Variants in RAMP3 observed in about 807,000 individuals in gnomAD.
RAMP3 encodes the protein receptor activity-modifying protein 3.
A neutral mutation model predicts 13.5 loss-of-function variants in RAMP3; 14 were observed. The observed-to-expected ratio is 1.04, with a 90% CI of 0.69 to 1.63. The LOEUF is 1.63. Ranked by LOEUF, RAMP3 falls within the 40% of genes most tolerant of loss-of-function variation. The pLI is 0.00. For missense variants in RAMP3, 200 were observed against 204.8 expected, an observed-to-expected ratio of 0.98 and a Z score of 0.14; for synonymous variants, 106 against 88.3, an observed-to-expected ratio of 1.20 and a Z score of -1.12.
chr7:45,162,760 G>T (rs1276955877), intron 1 of RAMP3, among the ~76,000 whole-genome samples: 1 of 152,180 alleles, frequency 6.6e-6, no homozygotes, highest in Admixed American at 6.5e-5. Context: ...TGCCAGGTAG[G>T]TGCCACTGGT....
chr7:45,173,707 G>T (rs1458835506), intron 1 of RAMP3, among the ~76,000 whole-genome samples: 1 of 152,178 alleles, frequency 6.6e-6, no homozygotes, highest in African/African-American at 2.4e-5. Context: ...AGCTTTCCCT[G>T]TAGCCTCTGT....
chr7:45,184,114 C>T lies in RAMP3; in HGVS notation c.*702C>T, dbSNP rs1042325227. Reference sequence around the variant, plus strand: ...GAGCCCCTCACCGGGACTTGCTGTGCGGATGGGGCCTGGGCCTCCTTCCTA... The same window carrying T: ...GAGCCCCTCACCGGGACTTGCTGTGTGGATGGGGCCTGGGCCTCCTTCCTA... On this transcript the variant is annotated 3_prime_UTR_variant, in exon 3 of 3. Coordinates refer to ENST00000242249, the MANE Select transcript of RAMP3 (RefSeq NM_005856.3). The T allele has an allele frequency of 1.5e-5, 6 of 399,226 alleles. No individual in the cohort carries two copies. The highest frequency in any genetic ancestry group is 1.3e-4 in the South Asian group (1 of 7,890). The allele number at this position is 399,226 out of a possible 1,614,324, so 24.7% of individuals were successfully genotyped here.
intron 1 of RAMP3, among the ~76,000 whole-genome samples, chr7:45,173,432 C>T (rs767027079): frequency 2.0e-5 from 3 of 152,196 alleles, no homozygotes; most frequent in South Asian, 4.1e-4. Flanking sequence ...TCCAGGCTGC[C>T]GCTAACAAAC....
intron 1 of RAMP3, among the ~76,000 whole-genome samples, chr7:45,174,827 G>A (rs771040770): frequency 1.3e-5 from 2 of 152,156 alleles, no homozygotes; most frequent in African/African-American, 4.8e-5. Flanking sequence ...CAGATGGCAG[G>A]TCCTGAAGAC....
At chr7:45,172,220 C>T (rs1269432868) in intron 1 of RAMP3, among the ~76,000 whole-genome samples, 1 of 152,178 alleles carries the variant, frequency 6.6e-6, no homozygotes. Context: ...GCCTGCTTGT[C>T]CCAGGGTGAA....
rs555413636 is a variant in RAMP3, at chr7:45,170,434, T to C, written c.59-6875T>C. 2.6e-4 allele frequency among the ~76,000 whole-genome samples: 39 copies of C among 150,154 alleles called. No homozygotes were observed. The South Asian group carries it at 8.0e-3, about 31-fold the overall frequency. ...GCTACTGCAACCTCTGCCTCCTGGG[T>C]TCAAGCGATTCTCCTGCCTCAGCCT... On this transcript the variant is annotated intron_variant, in intron 1 of 2. Coordinates refer to ENST00000242249, the MANE Select transcript of RAMP3 (RefSeq NM_005856.3).
intron 1 of RAMP3, among the ~76,000 whole-genome samples, chr7:45,170,378 A>T (rs938052270): frequency 6.6e-6 from 1 of 151,968 alleles, no homozygotes; most frequent in Admixed American, 6.6e-5. Flanking sequence ...TTGCTCTGTC[A>T]CCTAGGCTGG....
chr7:45,160,654 G>A (rs998281981), intron 1 of RAMP3, among the ~76,000 whole-genome samples: 1 of 152,094 alleles, frequency 6.6e-6, no homozygotes, highest in Non-Finnish European at 1.5e-5. Flanking sequence ...ATTTCCAAAT[G>A]ACTAGCCACA....
At chr7:45,178,916 G>C (rs529025821) in intron 2 of RAMP3, among the ~76,000 whole-genome samples, 1 of 152,280 alleles carries the variant, frequency 6.6e-6, no homozygotes, top group South Asian at 2.1e-4. Context: ...CAGACCTGAT[G>C]CTGGAAAAGG....
intron 1 of RAMP3, among the ~76,000 whole-genome samples, chr7:45,160,410 A>T (rs1309621009): frequency 7.3e-6 from 1 of 136,712 alleles, no homozygotes; most frequent in East Asian, 2.5e-4. Flanking sequence ...AGGCCCATAG[A>T]TTTTTGGCAC....
At chr7:45,165,355 T>A (rs1278762931) in intron 1 of RAMP3, among the ~76,000 whole-genome samples, 1 of 152,200 alleles carries the variant, frequency 6.6e-6, no homozygotes, top group Non-Finnish European at 1.5e-5. Context: ...TTGAGAAAAA[T>A]TCTATATATT....
intron 1 of RAMP3, 42 bp from the exon 2 acceptor site, chr7:45,177,267 G>A: frequency 6.2e-7 from 1 of 1,612,540 alleles, no homozygotes; most frequent in Non-Finnish European, 8.5e-7. Context: ...GGCATCCCCA[G>A]TGTGAACTGT....
At position 45,176,387 on chromosome 7, in the gene RAMP3, T is replaced by TACACACAC. The variant is rs57539624; in HGVS notation, c.59-901_59-894dup. 2.4e-3 allele frequency among the ~76,000 whole-genome samples: 358 copies of TACACACAC among 147,732 alleles called. 2 individuals carry two copies. Among genetic ancestry groups the TACACACAC allele is most frequent in the African/African-American group, 8.5e-3 (341 of 40,292 alleles). ...GATATAGATGGCAGGGCTGTGTACCTACACACACACACACACACACACACA... is the reference window on the plus strand; with the variant it reads ...GATATAGATGGCAGGGCTGTGTACCTACACACACACACACACACACACACACACACACA... On this transcript the variant is annotated intron_variant, in intron 1 of 2. Transcript: ENST00000242249.
chr7:45,170,951 T>C (rs995632248), intron 1 of RAMP3, among the ~76,000 whole-genome samples: 3 of 152,112 alleles, frequency 2.0e-5, no homozygotes, highest in Non-Finnish European at 4.4e-5. Context: ...ATATAAGTTT[T>C]TACAACTAAA....
rs535452041 is a variant in RAMP3, at chr7:45,184,101, G to A, written c.*689G>A. On this transcript the variant is annotated 3_prime_UTR_variant, in exon 3 of 3. Transcript: ENST00000242249. ...TGGGGGTGTGTTAGAGCCCCTCACC[G>A]GGACTTGCTGTGCGGATGGGGCCTG... The A allele has an allele frequency of 3.3e-4, 132 of 399,698 alleles. 1 individual carries two copies. In the South Asian group the frequency reaches 5.6e-3, roughly 17 times the overall value. The allele number at this position is 399,698 out of a possible 1,614,324, so 24.8% of individuals were successfully genotyped here.
intron 1 of RAMP3, among the ~76,000 whole-genome samples, chr7:45,160,183 T>C (rs1785836278): frequency 6.6e-6 from 1 of 151,120 alleles, no homozygotes; most frequent in Admixed American, 6.6e-5. Context: ...ATACAAAATA[T>C]TAGCCGGGTG....
chr7:45,183,585 C>A lies in RAMP3; in HGVS notation c.*173C>A. On this transcript the variant is annotated 3_prime_UTR_variant, in exon 3 of 3. Transcript: ENST00000242249. ...CTGCTCCCTCGAGGCCAGCCTGCTC[C>A]CTGGCTGAGGCTCAGGCTATCCGCC... 1.1e-6 allele frequency: 1 copy of A among 912,118 alleles called. No homozygotes were observed. The highest frequency in any genetic ancestry group is 1.6e-6 in the Non-Finnish European group (1 of 608,414). The allele number at this position is 912,118 out of a possible 1,614,324, so 56.5% of individuals were successfully genotyped here.
chr7:45,182,650 C>T (rs1464037807), intron 2 of RAMP3, among the ~76,000 whole-genome samples: 1 of 152,184 alleles, frequency 6.6e-6, no homozygotes, highest in African/African-American at 2.4e-5. Context: ...GACTGGGGCT[C>T]ACAGGTCTGA....
intron 1 of RAMP3, among the ~76,000 whole-genome samples, chr7:45,161,632 G>T (rs1434877334): frequency 6.6e-6 from 1 of 151,848 alleles, no homozygotes; most frequent in African/African-American, 2.4e-5. Context: ...AAACAGGGGA[G>T]GGGGAGGAGG....
Sources: gnomAD v4.1 joint callset for allele counts (sites outside exome capture counted in the v4.1 genomes callset) on GRCh38, gnomAD v4.1.1 for gene constraint, MANE v1.5 for transcripts, NCBI Gene and HGNC (gene_info 2026-07-23, HGNC 2026-07-21) for gene names.